Variants in WWOX observed in about 807,000 individuals in gnomAD.
WWOX encodes WW domain containing oxidoreductase, also known as WW domain-containing oxidoreductase.
Under a neutral mutation model 46.2 loss-of-function variants are expected in WWOX, and 69 were observed. The ratio of observed to expected loss-of-function variants is 1.49; its 90% CI spans 1.23 to 1.82. The LOEUF (loss-of-function observed/expected upper bound fraction) is 1.82. WWOX is among the 40% of genes most tolerant of loss of function. The pLI is 0.00. For synonymous variants in WWOX, 359 were observed against 202.6 expected, an observed-to-expected ratio of 1.77 and a Z score of -6.56; for missense variants, 919 against 542.6, an observed-to-expected ratio of 1.69 and a Z score of -6.89.
chr16:79,091,779 G>C (rs141451144), intron 8 of WWOX, among the ~76,000 whole-genome samples: 2 of 109,130 alleles, frequency 1.8e-5, no homozygotes, highest in African/African-American at 3.7e-5. Flanking sequence ...TCTTTTCTTT[G>C]TTTTTTTTTT....
chr16:78,643,618 A>C (rs1164463959), intron 8 of WWOX, among the ~76,000 whole-genome samples: 1 of 152,170 alleles, frequency 6.6e-6, no homozygotes, highest in Non-Finnish European at 1.5e-5. Flanking sequence ...GAATCTGCTT[A>C]TAAGGCTGTT....
At chr16:78,210,536 C>T (rs1428585832) in intron 5 of WWOX, among the ~76,000 whole-genome samples, 1 of 152,160 alleles carries the variant, frequency 6.6e-6, no homozygotes, top group South Asian at 2.1e-4. Context: ...CTGTCTCTCT[C>T]TCTTTCTCTG....
At chr16:78,658,698 A>G (rs1006296946) in intron 8 of WWOX, among the ~76,000 whole-genome samples, 2 of 151,984 alleles carry the variant, frequency 1.3e-5, no homozygotes, top group East Asian at 1.9e-4. Context: ...CCCTTTTCCT[A>G]TAGGGACTCA....
At chr16:78,598,966 A>C (rs1276305946) in intron 8 of WWOX, among the ~76,000 whole-genome samples, 4 of 152,210 alleles carry the variant, frequency 2.6e-5, no homozygotes, top group Non-Finnish European at 4.4e-5. Context: ...TCAGTGATGC[A>C]CTTAGGCAAC....
At chr16:78,100,738 C>T (rs903889481) in intron 1 of WWOX, among the ~76,000 whole-genome samples, 1 of 152,222 alleles carries the variant, frequency 6.6e-6, no homozygotes, top group African/African-American at 2.4e-5. Flanking sequence ...GCGTAAAGCA[C>T]ATAGCACCGT....
chr16:78,459,354 T>C (rs1424356872), intron 8 of WWOX, among the ~76,000 whole-genome samples: 1 of 152,234 alleles, frequency 6.6e-6, no homozygotes, highest in African/African-American at 2.4e-5. Flanking sequence ...ATAAATGCCC[T>C]TTTCTTGCAT....
At chr16:78,431,802 G>C (rs889865322) in intron 7 of WWOX, among the ~76,000 whole-genome samples, 5 of 150,484 alleles carry the variant, frequency 3.3e-5, no homozygotes, top group Non-Finnish European at 7.4e-5. Context: ...CTGCAACGTT[G>C]ACCTCCCAGG....
intron 8 of WWOX, among the ~76,000 whole-genome samples, chr16:78,772,503 G>A (rs1340723858): frequency 6.6e-6 from 1 of 152,016 alleles, no homozygotes; most frequent in Admixed American, 6.6e-5. Context: ...TGTTAATCTT[G>A]ATCATTTGGT....
intron 8 of WWOX, among the ~76,000 whole-genome samples, chr16:78,777,501 C>T (rs2050220477): frequency 6.6e-6 from 1 of 152,178 alleles, no homozygotes; most frequent in South Asian, 2.1e-4. Context: ...CGTAGAAAGA[C>T]ACCGTGCCTG....
Position 79,212,420 on chromosome 16 carries a change from T to A in WWOX, c.*624T>A, listed in dbSNP as rs545060563. ...TACTTGTCATAGACTCCTTTGCTAATGCTATGCAAAAAATTCTTTAGAGAT... is the reference window on the plus strand; with the variant it reads ...TACTTGTCATAGACTCCTTTGCTAAAGCTATGCAAAAAATTCTTTAGAGAT... On this transcript the variant is annotated 3_prime_UTR_variant, in exon 9 of 9. Transcript: ENST00000566780. 4.9e-5 allele frequency: 18 copies of A among 367,326 alleles called. 1 individual carries two copies. The East Asian group carries it at 8.0e-4, about 16-fold the overall frequency. The allele number at this position is 367,326 out of a possible 1,614,324, so 22.8% of individuals were successfully genotyped here. A position where few individuals can be genotyped will look rare whatever the true frequency, so the allele number is the denominator to read the frequency against.
chr16:79,064,073 G>C (rs943095018), intron 8 of WWOX, among the ~76,000 whole-genome samples: 1 of 152,162 alleles, frequency 6.6e-6, no homozygotes, highest in African/African-American at 2.4e-5. Flanking sequence ...TCTCAACAAG[G>C]CACTACAGCA....
At chr16:78,575,914 A>T (rs1322188630) in intron 8 of WWOX, among the ~76,000 whole-genome samples, 3 of 152,210 alleles carry the variant, frequency 2.0e-5, no homozygotes, top group African/African-American at 7.2e-5. Context: ...CTTTATATAA[A>T]ACATGCTATA....
chr16:78,334,045 A>G (rs1294839726), intron 5 of WWOX, among the ~76,000 whole-genome samples: 1 of 152,162 alleles, frequency 6.6e-6, no homozygotes, highest in Non-Finnish European at 1.5e-5. Flanking sequence ...CGTCCTCCAG[A>G]CAGTAAAACG....
intron 8 of WWOX, among the ~76,000 whole-genome samples, chr16:79,149,605 G>T (rs2050240346): frequency 6.6e-6 from 1 of 152,208 alleles, no homozygotes. Flanking sequence ...CCACCAGGGA[G>T]CTCAGCTTTA....
intron 8 of WWOX, among the ~76,000 whole-genome samples, chr16:78,801,493 G>A (rs7190956): frequency 0.011 from 1,667 of 152,218 alleles, 32 homozygotes; most frequent in African/African-American, 0.039. Context: ...TGGGTGACAA[G>A]GCTAGACCCT....
rs546382631 is a variant in WWOX at position 78,751,698 on chromosome 16, G to T, written c.1056+318946G>T. 6.7e-4 allele frequency among the ~76,000 whole-genome samples: 101 copies of T among 151,534 alleles called. 1 individual carries two copies. In the Middle Eastern group the frequency reaches 0.014, roughly 21 times the overall value. On this transcript the variant is annotated intron_variant, in intron 8 of 8. Transcript: ENST00000566780. Reference sequence around the variant, plus strand: ...TTCTGCAGAGTTAAAAAATACGTAGGTTCAGTTCCTTACCAACACGTAGAC... The same window carrying T: ...TTCTGCAGAGTTAAAAAATACGTAGTTTCAGTTCCTTACCAACACGTAGAC...
At chr16:78,524,388 ATTTATTTATTTATTTATTTG>A (rs1157817208) in intron 8 of WWOX, among the ~76,000 whole-genome samples, 4 of 56,444 alleles carry the variant, frequency 7.1e-5, no homozygotes, top group South Asian at 9.4e-4. Flanking sequence ...TAGAGATTTC[ATTTATTTATTTATTTATTTG>A]TTTATTTATT....
At chr16:79,151,681 G>GT (rs1445069090) in intron 8 of WWOX, among the ~76,000 whole-genome samples, 2 of 130,270 alleles carry the variant, frequency 1.5e-5, no homozygotes, top group African/African-American at 6.3e-5. Flanking sequence ...TAGGCAAGAA[G>GT]TAAGTGGCCA....
chr16:79,210,137 C>T (rs2051672595), intron 8 of WWOX, among the ~76,000 whole-genome samples: 1 of 152,206 alleles, frequency 6.6e-6, no homozygotes, highest in Non-Finnish European at 1.5e-5. Flanking sequence ...TCACGGTCCA[C>T]ACCCCGCCCA....
Sources: allele counts gnomAD v4.1 joint callset (sites outside exome capture counted in the v4.1 genomes callset), GRCh38; gene constraint gnomAD v4.1.1; transcripts MANE v1.5; gene names NCBI Gene and HGNC (gene_info 2026-07-23, HGNC 2026-07-21).